CRYZL1: variants seen among roughly 807,000 people sequenced by gnomAD.
CRYZL1 encodes crystallin zeta like 1, also known as ferry endosomal RAB5 effector complex subunit 4.
CRYZL1 carries 34 observed loss-of-function variants against 50.6 expected under a neutral mutation model. That is an observed-to-expected ratio of 0.67 (90% CI 0.51 to 0.89). The LOEUF (loss-of-function observed/expected upper bound fraction) is 0.89. Among genes scored for constraint, CRYZL1 ranks in the 40% least tolerant of loss-of-function variants. CRYZL1 has a pLI of 0.00. For missense variants in CRYZL1, 354 were observed against 402.3 expected, an observed-to-expected ratio of 0.88 and a Z score of 1.03; for synonymous variants, 125 against 134.3, an observed-to-expected ratio of 0.93 and a Z score of 0.48.
Position 33,631,577 on chromosome 21 carries a change from A to T in CRYZL1, c.-6-20T>A, listed in dbSNP as rs2087137868. ...AGTCACCTAAAAATAAATATATATA[A>T]ATGAAATAAAATAACAAGTCTTCCA... is the stretch of plus-strand genomic sequence containing the variant. On this transcript the variant is annotated intron_variant, in intron 1 of 12. Transcript: ENST00000381554. The T allele has an allele frequency of 7.2e-7, 1 of 1,383,748 alleles. No individual in the cohort carries two copies. The highest frequency in any genetic ancestry group is 1.7e-5 in the South Asian group (1 of 60,554). The allele number at this position is 1,383,748 out of a possible 1,614,324, so 85.7% of individuals were successfully genotyped here.
At chr21:33,613,693 T>C in intron 5 of CRYZL1, 87 bp from the exon 6 acceptor site, 1 of 975,964 alleles carries the variant, frequency 1.0e-6, no homozygotes, top group Non-Finnish European at 1.6e-6. Flanking sequence ...TTTTGTTCAG[T>C]GAAATTTTGA....
intron 2 of CRYZL1, among the ~76,000 whole-genome samples, chr21:33,630,225 C>T (rs1370175210): frequency 6.6e-6 from 1 of 152,130 alleles, no homozygotes; most frequent in African/African-American, 2.4e-5. Flanking sequence ...TTATACACCA[C>T]TGGTGGTCAT....
intron 4 of CRYZL1, among the ~76,000 whole-genome samples, chr21:33,620,766 C>T (rs548735402): frequency 2.9e-4 from 44 of 151,870 alleles, no homozygotes; most frequent in Admixed American, 2.6e-3. Context: ...GCAGACATCA[C>T]GCCACTGCAC....
intron 5 of CRYZL1, 30 bp from the exon 6 acceptor site, chr21:33,613,636 T>C (rs772238474): frequency 6.6e-7 from 1 of 1,515,228 alleles, no homozygotes; most frequent in Non-Finnish European, 9.2e-7. Flanking sequence ...ATTAAAGGGA[T>C]GTAAGTCAAA....
At chr21:33,599,936 A>G (rs1055640285) in intron 8 of CRYZL1, among the ~76,000 whole-genome samples, 1 of 152,008 alleles carries the variant, frequency 6.6e-6, no homozygotes, top group Admixed American at 6.6e-5. Flanking sequence ...CCCCAGCTAG[A>G]TTAAGTAGTT....
At chr21:33,640,159 C>G (rs1299532741) in intron 1 of CRYZL1, 7 of 1,548,220 alleles carry the variant, frequency 4.5e-6, no homozygotes, top group African/African-American at 1.4e-5. Context: ...GCTCATAAAA[C>G]TCTCCTGAGC....
chr21:33,624,537 G>A, intron 3 of CRYZL1, 146 bp downstream of exon 3: 1 of 1,339,110 alleles, frequency 7.5e-7, no homozygotes, highest in Admixed American at 3.0e-5. Flanking sequence ...CAACAAGAGT[G>A]AAACTCCGTC....
intron 3 of CRYZL1, among the ~76,000 whole-genome samples, chr21:33,623,677 C>A (rs924237272): frequency 1.3e-5 from 2 of 152,100 alleles, no homozygotes; most frequent in African/African-American, 4.8e-5. Flanking sequence ...TCAAAGAAGA[C>A]TTTTAGGTTC....
At chr21:33,632,835 A>G (rs997326626) in intron 1 of CRYZL1, among the ~76,000 whole-genome samples, 2 of 152,366 alleles carry the variant, frequency 1.3e-5, no homozygotes, top group Admixed American at 1.3e-4. Context: ...TGAATTTTAC[A>G]GTGTGAATAT....
intron 11 of CRYZL1, chr21:33,595,446 A>G (rs1258949033): frequency 7.3e-7 from 1 of 1,369,814 alleles, no homozygotes; most frequent in Non-Finnish European, 9.7e-7. Flanking sequence ...GAAAGGAGAG[A>G]GACTGCCTGA....
intron 6 of CRYZL1, among the ~76,000 whole-genome samples, chr21:33,611,874 T>C (rs2086876324): frequency 1.3e-5 from 2 of 152,256 alleles, no homozygotes; most frequent in African/African-American, 4.8e-5. Context: ...TTTTGAACTG[T>C]ATATAAATAA....
At chr21:33,635,446 G>A (rs921496204) in intron 1 of CRYZL1, among the ~76,000 whole-genome samples, 5 of 148,612 alleles carry the variant, frequency 3.4e-5, no homozygotes, top group Non-Finnish European at 7.4e-5. Flanking sequence ...CGCCTCCTGG[G>A]TTCACGCCAT....
At chr21:33,621,870 T>C (rs2087006415) in intron 4 of CRYZL1, 126 bp downstream of exon 4, 4 of 590,734 alleles carry the variant, frequency 6.8e-6, no homozygotes, top group Non-Finnish European at 1.2e-5. Context: ...AAAAAGGACA[T>C]GTTCATATAA....
chr21:33,625,399 C>A (rs1489889769), intron 2 of CRYZL1, among the ~76,000 whole-genome samples: 1 of 152,198 alleles, frequency 6.6e-6, no homozygotes, highest in Non-Finnish European at 1.5e-5. Flanking sequence ...TTGTGATCCG[C>A]CCGCCTCGGC....
rs1047807750 is a variant in CRYZL1 at position 33,589,622 on chromosome 21, G to T, written c.*200C>A. 9.0e-6 allele frequency: 5 copies of T among 553,844 alleles called. No individual in the cohort carries two copies. The highest frequency in any genetic ancestry group is 3.9e-5 in the African/African-American group (2 of 51,834). The allele number at this position is 553,844 out of a possible 1,614,324, so 34.3% of individuals were successfully genotyped here. A position where few individuals can be genotyped will look rare whatever the true frequency, so the allele number is the denominator to read the frequency against. ...AAATTCCCTTAAGATGTTAATTATA[G>T]AATTATCTTGATCATTTGCACAAGA... On this transcript the variant is annotated 3_prime_UTR_variant, in exon 13 of 13. Coordinates refer to ENST00000381554, the MANE Select transcript of CRYZL1 (RefSeq NM_145858.3).
chr21:33,633,118 T>C (rs2087160620), intron 1 of CRYZL1, among the ~76,000 whole-genome samples: 1 of 152,220 alleles, frequency 6.6e-6, no homozygotes, highest in Non-Finnish European at 1.5e-5. Context: ...AAATTGCTAT[T>C]TATCCATTCC....
chr21:33,621,594 G>A (rs2087002882), intron 4 of CRYZL1, among the ~76,000 whole-genome samples: 2 of 152,098 alleles, frequency 1.3e-5, no homozygotes, highest in Non-Finnish European at 2.9e-5. Flanking sequence ...GCCCGCCTCA[G>A]CCTCCCAAAG....
intron 7 of CRYZL1, among the ~76,000 whole-genome samples, chr21:33,602,985 T>C (rs2145924929): frequency 6.6e-6 from 1 of 152,354 alleles, no homozygotes; most frequent in Admixed American, 6.5e-5. Context: ...TTTTGATATA[T>C]GTAATATGTT....
intron 1 of CRYZL1, among the ~76,000 whole-genome samples, chr21:33,637,003 T>C (rs1419251392): frequency 6.6e-6 from 1 of 152,134 alleles, no homozygotes; most frequent in East Asian, 1.9e-4. Flanking sequence ...CTATTCTTAG[T>C]TGTAAATAAA....
Sources: allele counts gnomAD v4.1 joint callset (sites outside exome capture counted in the v4.1 genomes callset), GRCh38; gene constraint gnomAD v4.1.1; transcripts MANE v1.5; gene names NCBI Gene and HGNC (gene_info 2026-07-23, HGNC 2026-07-21).